Variants in SLC25A30 observed in about 807,000 individuals in gnomAD.
The protein encoded by SLC25A30 is solute carrier family 25 member 30.
SLC25A30 carries 29 observed loss-of-function variants against 42.7 expected under a neutral mutation model. The ratio of observed to expected loss-of-function variants is 0.68; its 90% CI spans 0.51 to 0.93. SLC25A30 has a LOEUF of 0.93. Ranked by LOEUF, SLC25A30 falls within the 40% of genes least tolerant of loss-of-function variation. The probability of loss-of-function intolerance (pLI) is 0.00; values close to 1 mark genes in which losing one functional copy is unlikely to be tolerated. For missense variants in SLC25A30, 300 were observed against 359.7 expected, an observed-to-expected ratio of 0.83 and a Z score of 1.34; for synonymous variants, 124 against 131.0, an observed-to-expected ratio of 0.95 and a Z score of 0.37.
chr13:45,431,078 G>A, the SLC25A30 span, among the ~76,000 whole-genome samples: 3 of 151,860 alleles, frequency 2.0e-5, no homozygotes, highest in Non-Finnish European at 2.9e-5. Context: ...ATGGAGTTTC[G>A]CTCTTGTTGC....
chr13:45,424,801 TATATAAAAAAATATAA>T, the SLC25A30 span, among the ~76,000 whole-genome samples: 1 of 62,688 alleles, frequency 1.6e-5, no homozygotes, highest in Non-Finnish European at 2.9e-5. Context: ...AGAATATAAA[TATATAAAAAAATATAA>T]ATATATAAAA....
the SLC25A30 span, among the ~76,000 whole-genome samples, chr13:45,431,687 G>A: frequency 0.027 from 4,123 of 151,416 alleles, 190 homozygotes; most frequent in African/African-American, 0.094. Flanking sequence ...CCCAGCCAAC[G>A]ATTGCACACT....
rs145360045 is a variant in SLC25A30 at position 45,396,720 on chromosome 13, C to A, written c.834+538G>T. The A allele has an allele frequency of 2.1e-3, 329 of 154,970 alleles. 2 individuals are homozygous for A. The highest frequency in any genetic ancestry group is 3.4e-3 in the Non-Finnish European group (239 of 70,066). The allele number at this position is 154,970 out of a possible 1,614,324, so 9.6% of individuals were successfully genotyped here. On this transcript the variant is annotated intron_variant, in intron 9 of 9. Transcript: ENST00000519676. ...CCAGGAGGCGGAGGTGGCAGTGACC[C>A]GAGATCACGCCACTGTACTCCAGCC...
upstream of SLC25A30, among the ~76,000 whole-genome samples, chr13:45,421,997 A>G (rs1469037588): frequency 1.3e-5 from 2 of 152,160 alleles, no homozygotes; most frequent in African/African-American, 4.8e-5. Context: ...TAGAACAGTA[A>G]CATCCACACA....
intron 1 of SLC25A30, among the ~76,000 whole-genome samples, chr13:45,417,425 T>C (rs921682745): frequency 1.3e-5 from 2 of 152,232 alleles, no homozygotes; most frequent in Non-Finnish European, 2.9e-5. Context: ...ATACATTTAT[T>C]GTTCCTTGCT....
chr13:45,399,562 A>C (rs1200724752), intron 7 of SLC25A30, among the ~76,000 whole-genome samples: 1 of 152,200 alleles, frequency 6.6e-6, no homozygotes, highest in Non-Finnish European at 1.5e-5. Context: ...AAGAAGAGCC[A>C]TATCTAGAGA....
the SLC25A30 span, among the ~76,000 whole-genome samples, chr13:45,426,338 G>C: frequency 6.6e-6 from 1 of 152,046 alleles, no homozygotes; most frequent in Non-Finnish European, 1.5e-5. Flanking sequence ...ACCCGCCCTG[G>C]CCTTCCAAAG....
intron 9 of SLC25A30, chr13:45,396,942 C>T (rs1276607813): frequency 3.6e-6 from 1 of 280,222 alleles, no homozygotes; most frequent in East Asian, 9.8e-5. Flanking sequence ...CCCAAGGTGG[C>T]TAGGGCTATA....
the SLC25A30 span, among the ~76,000 whole-genome samples, chr13:45,426,967 G>A: frequency 1.4e-4 from 22 of 151,902 alleles, no homozygotes; most frequent in Non-Finnish European, 2.6e-4. Context: ...GATTTAGCTC[G>A]TCGTTTCTAT....
Position 45,395,272 on chromosome 13 carries a change from C to A in SLC25A30, c.*702G>T. ...ACCTAAGCTGCTTGAAAACACCCCC[C>A]ACCAATACAGACCTTGCAACCTTCA... On this transcript the variant is annotated 3_prime_UTR_variant, in exon 10 of 10. Coordinates refer to ENST00000519676, the MANE Select transcript of SLC25A30 (RefSeq NM_001010875.4). The A allele has an allele frequency of 1.0e-6, 1 of 985,746 alleles. No individual in the cohort carries two copies. Among genetic ancestry groups the A allele is most frequent in the South Asian group, 4.7e-5 (1 of 21,296 alleles). The allele number at this position is 985,746 out of a possible 1,614,324, so 61.1% of individuals were successfully genotyped here.
chr13:45,427,387 GACTGAACTTGGTCCATAC>G, the SLC25A30 span, among the ~76,000 whole-genome samples: 2,998 of 152,232 alleles, frequency 0.02, 100 homozygotes, highest in African/African-American at 0.068. Flanking sequence ...CAAGAAGAAA[GACTGAACTTGGTCCATAC>G]ACCTGGATAG....
At chr13:45,427,740 T>TTTCTTTTCTTTTCTTTTCTA in the SLC25A30 span, among the ~76,000 whole-genome samples, 92 of 150,790 alleles carry the variant, frequency 6.1e-4, no homozygotes, top group Non-Finnish European at 9.0e-4. Context: ...CCCTACAATT[T>TTTCTTTTCTTTTCTTTTCTA]TTCTTTTCTT....
chr13:45,423,939 A>G, the SLC25A30 span, among the ~76,000 whole-genome samples: 1 of 88,600 alleles, frequency 1.1e-5, no homozygotes, highest in African/African-American at 4.5e-5. Context: ...ATATATAAAT[A>G]TATAAAAAAA....
chr13:45,419,568 C>T (rs1012229380), upstream of SLC25A30, among the ~76,000 whole-genome samples: 12 of 151,312 alleles, frequency 7.9e-5, no homozygotes, highest in Non-Finnish European at 1.6e-4. Flanking sequence ...ATCCGCCTGC[C>T]TCGGCCTCCC....
intron 9 of SLC25A30, chr13:45,396,271 A>G: frequency 1.5e-6 from 2 of 1,351,048 alleles, no homozygotes; most frequent in Non-Finnish European, 9.5e-7. Flanking sequence ...CTACGCTGAT[A>G]AGCTTTTGTG....
At chr13:45,432,024 C>T in the SLC25A30 span, among the ~76,000 whole-genome samples, 4 of 151,992 alleles carry the variant, frequency 2.6e-5, no homozygotes, top group African/African-American at 4.8e-5. Flanking sequence ...AATCCTGGCA[C>T]TTTGGAAGGC....
upstream of SLC25A30, chr13:45,418,422 C>T (rs1883735849): frequency 6.6e-6 from 1 of 151,934 alleles, no homozygotes; most frequent in Non-Finnish European, 1.5e-5. Flanking sequence ...TGCACGCAGC[C>T]CCGCGCCGCC....
chr13:45,401,668 TA>T (rs111279387), intron 6 of SLC25A30, among the ~76,000 whole-genome samples: 204 of 143,142 alleles, frequency 1.4e-3, no homozygotes, highest in Admixed American at 2.0e-3. Context: ...CATAAGAATT[TA>T]AAAAAAAAAA....
chr13:45,426,133 C>T, the SLC25A30 span, among the ~76,000 whole-genome samples: 3 of 151,510 alleles, frequency 2.0e-5, no homozygotes, highest in Non-Finnish European at 4.4e-5. Flanking sequence ...TGTCACCAGT[C>T]TGGAGTGCAG....
Sources: allele counts gnomAD v4.1 joint callset (sites outside exome capture counted in the v4.1 genomes callset), GRCh38; gene constraint gnomAD v4.1.1; transcripts MANE v1.5; gene names NCBI Gene and HGNC (gene_info 2026-07-23, HGNC 2026-07-21).